BRPF3: variants seen among roughly 807,000 people sequenced by gnomAD.
BRPF3 encodes the protein bromodomain and PHD finger-containing protein 3.
Under a neutral mutation model 102.0 loss-of-function variants are expected in BRPF3, and 18 were observed. That is an observed-to-expected ratio of 0.18 (90% confidence interval 0.12 to 0.26). BRPF3 has a LOEUF of 0.26. Ranked by LOEUF, BRPF3 falls within the 10% of genes least tolerant of loss-of-function variation. The probability of loss-of-function intolerance (pLI) is 1.00; values close to 1 mark genes in which losing one functional copy is unlikely to be tolerated. For synonymous variants in BRPF3, 570 were observed against 614.2 expected, an observed-to-expected ratio of 0.93 and a Z score of 1.06; for missense variants, 1,147 against 1,567.8, an observed-to-expected ratio of 0.73 and a Z score of 4.53.
At chr6:36,217,617 C>G (rs946713522) in intron 8 of BRPF3, among the ~76,000 whole-genome samples, 1 of 152,174 alleles carries the variant, frequency 6.6e-6, no homozygotes, top group Non-Finnish European at 1.5e-5. Context: ...CTTAGTATCT[C>G]CCTGTGTAGC....
In BRPF3 at chr6:36,200,541, A is replaced by G. The variant is rs751025587; in HGVS notation, c.219A>G (p.Glu73=). The G allele has an allele frequency of 6.2e-7, 1 of 1,614,234 alleles. No homozygotes were observed. Among genetic ancestry groups the G allele is most frequent in the South Asian group, 1.1e-5 (1 of 91,090 alleles). ...AGCTAACTGCCCAGGATATCACCGA[A>G]TGCAATAGTAACAAGGAAAACAGTG... ...EDELTAQDIT[E]CNSNKENSEQ... is the part of the protein sequence containing the mutation. The change falls in exon 2 of 13, where the codon GAA becomes GAG. Residue 73 remains glutamate (E), a synonymous_variant. Coordinates refer to ENST00000357641, the MANE Select transcript of BRPF3 (RefSeq NM_015695.3). This position sits in a 1 kb window ranked among gnomAD's most constrained non-coding sequence, Gnocchi z 5.3.
intron 8 of BRPF3, among the ~76,000 whole-genome samples, 199 bp downstream of exon 8, chr6:36,214,585 CAG>C (rs1187861027): frequency 6.6e-6 from 1 of 152,134 alleles, no homozygotes; most frequent in African/African-American, 2.4e-5. Flanking sequence ...AGGTATTTTC[CAG>C]AGAGCCAGAT....
rs541808449 is a variant in BRPF3, at chr6:36,210,865, G to A, written c.2179+337G>A. The stretch of plus-strand genomic sequence containing the variant: ...CAGGGAGAGTGCATTGCTGGTGTGT[G>A]TTTGGCTCATTCAGAAGATTGCAGG... On this transcript the variant is annotated intron_variant, in intron 6 of 12. Coordinates refer to ENST00000357641, the MANE Select transcript of BRPF3 (RefSeq NM_015695.3). The surrounding 1 kb of genome is among the most constrained non-coding windows in gnomAD (Gnocchi z 4.7). Among the ~76,000 whole-genome samples the A allele has an allele frequency of 2.6e-5, 4 of 152,282 alleles. No homozygotes were observed. The South Asian group carries it at 8.3e-4, about 32-fold the overall frequency.
At chr6:36,214,419 G>A (rs765799978) in intron 8 of BRPF3, 33 bp downstream of exon 8, 49 of 1,517,216 alleles carry the variant, frequency 3.2e-5, no homozygotes, top group African/African-American at 6.9e-5. Context: ...TTGATACTTC[G>A]CATCTGCTTT....
At chr6:36,197,554 C>T (rs924584964) in intron 1 of BRPF3, 16 of 148,544 alleles carry the variant, frequency 1.1e-4, no homozygotes, top group Admixed American at 4.2e-4. Context: ...TCCTGAGTAT[C>T]TTGTGTGAGG....
At chr6:36,198,698 T>G (rs1767593198) in intron 1 of BRPF3, among the ~76,000 whole-genome samples, 1 of 152,222 alleles carries the variant, frequency 6.6e-6, no homozygotes, top group Admixed American at 6.5e-5. Flanking sequence ...ACCAAGGCGA[T>G]GAATTGTTTT....
intron 9 of BRPF3, among the ~76,000 whole-genome samples, chr6:36,218,986 A>T (rs1470845991): frequency 6.6e-6 from 1 of 152,144 alleles, no homozygotes; most frequent in Non-Finnish European, 1.5e-5. Context: ...TCACTGCCAC[A>T]AAGGAAAAGT....
chr6:36,214,273 C>G lies in BRPF3; in HGVS notation c.2876C>G (p.Ser959Cys). The G allele has an allele frequency of 6.2e-7, 1 of 1,613,484 alleles. No homozygotes were observed. The highest frequency in any genetic ancestry group is 8.5e-7 in the Non-Finnish European group (1 of 1,179,948). The change falls in exon 8 of 13, where the codon TCT becomes TGT. Residue 959 changes from serine (S) to cysteine (C), a missense_variant. Physicochemically the swap from Ser to Cys is moderately radical, Grantham distance 112. Transcript: ENST00000357641. ...ENGEDHGVAG[S>C]PASPASIEEE... is the part of the protein sequence containing the mutation. ...GGCGAGGACCATGGTGTGGCAGGCT[C>G]TCCTGCCTCTCCAGCCAGCATCGAG...
intron 9 of BRPF3, among the ~76,000 whole-genome samples, chr6:36,220,943 T>A (rs1050924969): frequency 1.3e-5 from 2 of 152,234 alleles, no homozygotes; most frequent in Non-Finnish European, 2.9e-5. Flanking sequence ...CTGTTTCTTA[T>A]CCCACTAGGG....
chr6:36,203,742 A>T (rs1214678945), intron 2 of BRPF3, among the ~76,000 whole-genome samples: 1 of 152,244 alleles, frequency 6.6e-6, no homozygotes, highest in Non-Finnish European at 1.5e-5. Context: ...AAGAGCACTG[A>T]GGCCTTGCTT....
At chr6:36,211,654 T>G in intron 7 of BRPF3, 94 bp downstream of exon 7, 1 of 1,426,090 alleles carries the variant, frequency 7.0e-7, no homozygotes. Flanking sequence ...TTTCTGAGTT[T>G]AGATCTGACA....
intron 1 of BRPF3, among the ~76,000 whole-genome samples, chr6:36,199,869 G>T (rs2127273933): frequency 6.6e-6 from 1 of 152,316 alleles, no homozygotes; most frequent in Non-Finnish European, 1.5e-5. Flanking sequence ...TAGGAGCTAA[G>T]CACTGCTCCA....
chr6:36,211,115 C>T, intron 6 of BRPF3, 143 bp from the exon 7 acceptor site: 1 of 942,770 alleles, frequency 1.1e-6, no homozygotes, highest in Non-Finnish European at 1.6e-6. Context: ...TGTTGCAGGG[C>T]CAAGGCCCAC....
At chr6:36,206,263 C>G (rs1387665716) in intron 3 of BRPF3, among the ~76,000 whole-genome samples, 3 of 152,218 alleles carry the variant, frequency 2.0e-5, no homozygotes, top group Non-Finnish European at 4.4e-5. Context: ...CTGCCTACAT[C>G]TGGGCAGGTG....
At chr6:36,208,101 T>G (rs1473456154) in intron 4 of BRPF3, among the ~76,000 whole-genome samples, 1 of 152,232 alleles carries the variant, frequency 6.6e-6, no homozygotes, top group East Asian at 1.9e-4. Flanking sequence ...AAGGTTGTTT[T>G]GAGGATTAGA....
chr6:36,213,748 C>G (rs1382459864), intron 7 of BRPF3, 132 bp from the exon 8 acceptor site: 10 of 902,142 alleles, frequency 1.1e-5, no homozygotes, highest in South Asian at 1.7e-5. Context: ...TGCTTCAGAT[C>G]TAAGACCTTG....
chr6:36,216,630 C>T (rs1274791373), intron 8 of BRPF3, among the ~76,000 whole-genome samples: 1 of 152,168 alleles, frequency 6.6e-6, no homozygotes, highest in Non-Finnish European at 1.5e-5. Context: ...GGACTTGCCT[C>T]ACAGTTTTCT....
chr6:36,215,415 T>C (rs1252192488), intron 8 of BRPF3, among the ~76,000 whole-genome samples: 1 of 152,092 alleles, frequency 6.6e-6, no homozygotes, highest in African/African-American at 2.4e-5. Flanking sequence ...CCACCTAAAG[T>C]GTTCTTAATA....
intron 1 of BRPF3, among the ~76,000 whole-genome samples, chr6:36,199,834 A>G (rs1767631690): frequency 6.6e-6 from 1 of 152,194 alleles, no homozygotes; most frequent in Non-Finnish European, 1.5e-5. Flanking sequence ...TCTTTCATTC[A>G]ACTAATACTT....
Sources: gnomAD v4.1 joint callset for allele counts (sites outside exome capture counted in the v4.1 genomes callset) on GRCh38, gnomAD v4.1.1 for gene constraint, Gnocchi (gnomAD v3.1) non-coding constraint, MANE v1.5 for transcripts, NCBI Gene and HGNC (gene_info 2026-07-23, HGNC 2026-07-21) for gene names.